Variants in CUX2 observed in about 807,000 individuals in gnomAD.
CUX2 encodes the protein cut like homeobox 2, also known as homeobox protein cut-like 2.
Under a neutral mutation model 144.8 loss-of-function variants are expected in CUX2, and 40 were observed. The observed-to-expected ratio is 0.28, with a 90% CI of 0.21 to 0.36. CUX2 has a LOEUF of 0.36. Ranked by LOEUF, CUX2 falls within the 10% of genes least tolerant of loss-of-function variation. The pLI, the probability that CUX2 is intolerant of heterozygous loss-of-function variation, is 1.00. For synonymous variants in CUX2, 827 were observed against 875.6 expected (o/e 0.94, Z 0.98); for missense variants, 1,615 against 1,994.0 (o/e 0.81, Z 3.62).
chr12:111,125,952 A>G (rs1307197291), intron 1 of CUX2, among the ~76,000 whole-genome samples: 1 of 152,000 alleles, frequency 6.6e-6, no homozygotes, highest in Non-Finnish European at 1.5e-5. Context: ...CAAAGGCCAA[A>G]TGGGCCACCG....
In CUX2 at chr12:111,295,559, T is replaced by G; in HGVS notation, c.637+150T>G. 3.0e-6 allele frequency: 2 copies of G among 656,420 alleles called. No homozygotes were observed. Among genetic ancestry groups the G allele is most frequent in the Non-Finnish European group, 5.1e-6 (2 of 394,446 alleles). The allele number at this position is 656,420 out of a possible 1,614,324, so 40.7% of individuals were successfully genotyped here. On this transcript the variant is annotated intron_variant, in intron 7 of 21. Transcript: ENST00000261726. This position sits in a 1 kb window ranked among gnomAD's most constrained non-coding sequence, Gnocchi z 5.0. ...GTTTGGGAAGAATAATCTTACCCAGTGGGGGGCTGAGCCTCTATGCCCCAG... is the reference window on the plus strand; with the variant it reads ...GTTTGGGAAGAATAATCTTACCCAGGGGGGGGCTGAGCCTCTATGCCCCAG...
intron 1 of CUX2, among the ~76,000 whole-genome samples, chr12:111,120,069 T>A (rs553067360): frequency 1.7e-4 from 25 of 151,262 alleles, no homozygotes; most frequent in East Asian, 5.8e-4. Flanking sequence ...AAAAAAAAAA[T>A]TTTTTTTAAA....
At chr12:111,043,618 G>C (rs1290905848) in intron 1 of CUX2, among the ~76,000 whole-genome samples, 1 of 151,804 alleles carries the variant, frequency 6.6e-6, no homozygotes, top group Non-Finnish European at 1.5e-5. Flanking sequence ...TTTGAGACCA[G>C]CCTGGCCAAC....
rs117343930 is a variant in CUX2, at chr12:111,331,238, C to G, written c.2927-3203C>G. On this transcript the variant is annotated intron_variant, in intron 18 of 21. Transcript: ENST00000261726. ...TGGTCTGATCCGAGTGACCAACTCA[C>G]CCACGACAGAGAAGGAAGGAACCCA... Among the ~76,000 whole-genome samples the G allele has an allele frequency of 2.9e-3, 435 of 152,188 alleles. 3 individuals carry two copies. The highest frequency in any genetic ancestry group is 5.1e-3 in the Non-Finnish European group (347 of 68,000).
At chr12:111,065,687 A>C (rs909690461) in intron 1 of CUX2, among the ~76,000 whole-genome samples, 4 of 152,352 alleles carry the variant, frequency 2.6e-5, no homozygotes, top group South Asian at 4.1e-4. Flanking sequence ...CTTAATGTCC[A>C]GCAGTATTAC....
At chr12:111,074,205 G>A (rs755594275) in intron 1 of CUX2, among the ~76,000 whole-genome samples, 1 of 151,876 alleles carries the variant, frequency 6.6e-6, no homozygotes, top group East Asian at 1.9e-4. Context: ...CTGAATCTTT[G>A]CATACAAACC....
At chr12:111,091,300 G>A (rs896760751) in intron 1 of CUX2, among the ~76,000 whole-genome samples, 2 of 152,204 alleles carry the variant, frequency 1.3e-5, no homozygotes, top group Non-Finnish European at 1.5e-5. Context: ...AGTCAGATCC[G>A]CAGCCCCAAA....
rs1869312993 is a variant in CUX2, at chr12:111,034,433, C to T, written c.63+193C>T. On this transcript the variant is annotated intron_variant, in intron 1 of 21. Coordinates refer to ENST00000261726, the MANE Select transcript of CUX2 (RefSeq NM_015267.4). The surrounding 1 kb of genome is among the most constrained non-coding windows in gnomAD (Gnocchi z 4.2). ...ATTGATCTCGCCGCTGCTCTTTGTT[C>T]GGTTCAGTCATCGATTAGCTGCCGC... Among the ~76,000 whole-genome samples the T allele has an allele frequency of 6.6e-6, 1 of 151,534 alleles. No homozygotes were observed. The highest frequency in any genetic ancestry group is 2.4e-5 in the African/African-American group (1 of 41,352).
rs1870676112 is a variant in CUX2 at position 111,059,576 on chromosome 12, G to T, written c.63+25336G>T. ...ACTTTCCTAGGTCCCCCCACCCAGG[G>T]TCAGCTTTCTGTATCCTAGAGGTGG... On this transcript the variant is annotated intron_variant, in intron 1 of 21. Coordinates refer to ENST00000261726, the MANE Select transcript of CUX2 (RefSeq NM_015267.4). This position sits in a 1 kb window ranked among gnomAD's most constrained non-coding sequence, Gnocchi z 5.3. Among the ~76,000 whole-genome samples, 1 of 152,184 alleles carries T rather than the reference G, an allele frequency of 6.6e-6. No homozygotes were observed. Among genetic ancestry groups the T allele is most frequent in the Non-Finnish European group, 1.5e-5 (1 of 68,030 alleles).
At chr12:111,133,932 C>T (rs1482262000) in intron 1 of CUX2, among the ~76,000 whole-genome samples, 1 of 152,158 alleles carries the variant, frequency 6.6e-6, no homozygotes, top group Non-Finnish European at 1.5e-5. Flanking sequence ...CACCTGTCCC[C>T]ATCCTAACTT....
intron 4 of CUX2, among the ~76,000 whole-genome samples, chr12:111,290,897 C>T (rs1435688283): frequency 6.7e-6 from 1 of 148,750 alleles, no homozygotes; most frequent in Non-Finnish European, 1.5e-5. Context: ...GAGTCTTGCT[C>T]TATCGCCCAG....
At chr12:111,054,640 T>C (rs1345270206) in intron 1 of CUX2, among the ~76,000 whole-genome samples, 1 of 152,080 alleles carries the variant, frequency 6.6e-6, no homozygotes, top group Non-Finnish European at 1.5e-5. Flanking sequence ...TAGACATTCT[T>C]TTTTGAGATG....
intron 1 of CUX2, among the ~76,000 whole-genome samples, chr12:111,152,679 A>G (rs927406604): frequency 6.6e-6 from 1 of 152,162 alleles, no homozygotes; most frequent in Non-Finnish European, 1.5e-5. Flanking sequence ...AGCAAAAACC[A>G]TTTGCTCTTG....
In CUX2 at chr12:111,068,396, C is replaced by G. The variant is rs920264559; in HGVS notation, c.63+34156C>G. Among the ~76,000 whole-genome samples, 8 of 152,232 alleles carry G rather than the reference C, an allele frequency of 5.3e-5. No individual in the cohort carries two copies. Among genetic ancestry groups the G allele is most frequent in the African/African-American group, 1.9e-4 (8 of 41,472 alleles). The stretch of plus-strand genomic sequence containing the variant: ...TCTGTATGAAAAGCCAGCCAGCCGG[C>G]CGATTTCTGTCCTTTGAAGACGCTT... On this transcript the variant is annotated intron_variant, in intron 1 of 21. Coordinates refer to ENST00000261726, the MANE Select transcript of CUX2 (RefSeq NM_015267.4). This position sits in a 1 kb window ranked among gnomAD's most constrained non-coding sequence, Gnocchi z 4.9.
chr12:111,200,748 T>C (rs1463089568), intron 1 of CUX2, among the ~76,000 whole-genome samples: 2 of 152,106 alleles, frequency 1.3e-5, no homozygotes, highest in Admixed American at 6.5e-5. Context: ...TCCAGCAGAA[T>C]TGGTGGGGGG....
At chr12:111,330,690 T>TACATATACATATAC (rs1177996902) in intron 18 of CUX2, among the ~76,000 whole-genome samples, 4 of 9,972 alleles carry the variant, frequency 4.0e-4, no homozygotes, top group African/African-American at 9.6e-4. Context: ...CATATACATA[T>TACATATACATATAC]ATATATATAT....
chr12:111,213,902 G>A (rs1227643169), intron 1 of CUX2, among the ~76,000 whole-genome samples: 1 of 151,594 alleles, frequency 6.6e-6, no homozygotes, highest in African/African-American at 2.4e-5. Context: ...TGGGGCAGGG[G>A]GTGGGGGGAA....
At chr12:111,052,678 CAT>C (rs1870335471) in intron 1 of CUX2, among the ~76,000 whole-genome samples, 2 of 151,484 alleles carry the variant, frequency 1.3e-5, no homozygotes, top group African/African-American at 4.9e-5. Context: ...TCTGCATCCA[CAT>C]GTGGGGATCT....
At chr12:111,305,691 A>G (rs922148020) in intron 10 of CUX2, among the ~76,000 whole-genome samples, 2 of 152,112 alleles carry the variant, frequency 1.3e-5, no homozygotes, top group Admixed American at 6.6e-5. Flanking sequence ...TTATGTGTAA[A>G]GTGCCTAAAA....
Sources: allele counts gnomAD v4.1 joint callset (sites outside exome capture counted in the v4.1 genomes callset), GRCh38; gene constraint gnomAD v4.1.1; non-coding constraint Gnocchi (gnomAD v3.1); transcripts MANE v1.5; gene names NCBI Gene and HGNC (gene_info 2026-07-23, HGNC 2026-07-21).